Variants in EGF observed in about 807,000 individuals in gnomAD.
EGF encodes the protein pro-epidermal growth factor.
A neutral mutation model predicts 143.8 loss-of-function variants in EGF; 95 were observed. The observed-to-expected ratio is 0.66, with a 90% CI of 0.56 to 0.78. The LOEUF is 0.78. Among genes scored for constraint, EGF ranks in the 30% least tolerant of loss-of-function variants. The probability of loss-of-function intolerance (pLI) is 0.00; values close to 1 mark genes in which losing one functional copy is unlikely to be tolerated. For synonymous variants in EGF, 510 were observed against 510.5 expected (o/e 1.00, Z 0.01); for missense variants, 1,320 against 1,470.9 (o/e 0.90, Z 1.68).
intron 21 of EGF, among the ~76,000 whole-genome samples, chr4:110,000,469 A>T (rs901323047): frequency 2.0e-5 from 3 of 152,162 alleles, no homozygotes; most frequent in Non-Finnish European, 4.4e-5. Flanking sequence ...AGCCTGCATA[A>T]CTATAATTTT....
Position 110,003,401 on chromosome 4 carries a change from T to C in EGF, c.3174-1104T>C, listed in dbSNP as rs182472546. 1.4e-4 allele frequency among the ~76,000 whole-genome samples: 22 copies of C among 152,344 alleles called. No individual in the cohort carries two copies. In the East Asian group the frequency reaches 3.9e-3, roughly 27 times the overall value. ...ACGTTGTACCTTTGCAACTTTGGAA[T>C]TGTTTATATTAGCCACTTGTTTCAA... is the stretch of plus-strand genomic sequence containing the variant. On this transcript the variant is annotated intron_variant, in intron 21 of 23. Coordinates refer to ENST00000265171, the MANE Select transcript of EGF (RefSeq NM_001963.6).
intron 1 of EGF, among the ~76,000 whole-genome samples, chr4:109,928,886 A>G (rs1008434292): frequency 6.6e-6 from 1 of 152,126 alleles, no homozygotes; most frequent in East Asian, 1.9e-4. Context: ...GGCCTGAACT[A>G]GTTTTTCAGG....
chr4:109,944,117 C>A lies in EGF; in HGVS notation c.737+48C>A, dbSNP rs1408365984. The A allele has an allele frequency of 2.6e-6, 4 of 1,552,428 alleles. 1 individual carries two copies. In the Admixed American group the frequency reaches 6.9e-5, roughly 27 times the overall value. The stretch of plus-strand genomic sequence containing the variant: ...AATAAAACAATTGTCATTTGAAGTC[C>A]ACAAGATAAATTAATTTTACTTTTG... On this transcript the variant is annotated intron_variant, in intron 4 of 23. Transcript: ENST00000265171.
chr4:110,005,730 T>A (rs1031109555), intron 22 of EGF, among the ~76,000 whole-genome samples: 1 of 152,332 alleles, frequency 6.6e-6, no homozygotes, highest in African/African-American at 2.4e-5. Context: ...AGTTAAGGAC[T>A]GATTCAGTGT....
At position 109,913,356 on chromosome 4, in the gene EGF, T is replaced by C. The variant is rs1279964520; in HGVS notation, c.21T>C (p.Ile7=). MLLTLI[I]LLPVVSKFSF... ...AGATTATGCTGCTCACTCTTATCATTCTGTTGCCAGTAGTTTCAAAATTTA... is the reference window on the plus strand; with the variant it reads ...AGATTATGCTGCTCACTCTTATCATCCTGTTGCCAGTAGTTTCAAAATTTA... Residue 7 remains isoleucine (I), a synonymous_variant, in exon 1 of 24, where the codon ATT becomes ATC. Coordinates refer to ENST00000265171, the MANE Select transcript of EGF (RefSeq NM_001963.6). 6.2e-7 allele frequency: 1 copy of C among 1,613,882 alleles called. No individual in the cohort carries two copies. Among genetic ancestry groups the C allele is most frequent in the East Asian group, 2.2e-5 (1 of 44,900 alleles).
Position 109,960,892 on chromosome 4 carries a change from T to C in EGF, c.1092T>C (p.Asn364=). ...ATGTTAATGAATGTGCTTTTTGGAA[T>C]CATGGCTGTACTCTTGGGTGTAAAA... ...CEDVNECAFW[N]HGCTLGCKNT... is the part of the protein sequence containing the mutation. The change falls in exon 7 of 24, where the codon AAT becomes AAC. Residue 364 remains asparagine (N), a synonymous_variant. Coordinates refer to ENST00000265171, the MANE Select transcript of EGF (RefSeq NM_001963.6). 1 of 1,614,010 alleles carries C rather than the reference T, an allele frequency of 6.2e-7. No individual in the cohort carries two copies. The highest frequency in any genetic ancestry group is 8.5e-7 in the Non-Finnish European group (1 of 1,179,906).
At chr4:109,930,336 C>A (rs965498285) in intron 1 of EGF, among the ~76,000 whole-genome samples, 2 of 152,126 alleles carry the variant, frequency 1.3e-5, no homozygotes, top group Non-Finnish European at 2.9e-5. Context: ...TTTAAGTCAG[C>A]ACCTGGGGAG....
intron 4 of EGF, among the ~76,000 whole-genome samples, chr4:109,944,296 G>A (rs1481869256): frequency 2.0e-5 from 3 of 152,002 alleles, no homozygotes; most frequent in African/African-American, 4.8e-5. Flanking sequence ...AAAATTAGCC[G>A]GGCGTGGTGG....
intron 10 of EGF, among the ~76,000 whole-genome samples, chr4:109,967,785 C>A (rs1254206620): frequency 1.3e-5 from 2 of 152,140 alleles, no homozygotes; most frequent in African/African-American, 4.8e-5. Context: ...TAGCTTCTTG[C>A]TCCTAGGCTA....
At chr4:109,983,598 A>G in intron 16 of EGF, 57 bp downstream of exon 16, 1 of 1,609,768 alleles carries the variant, frequency 6.2e-7, no homozygotes, top group Non-Finnish European at 8.5e-7. Flanking sequence ...CATCCTACCA[A>G]TGAGAAATTT....
At position 109,999,827 on chromosome 4, in the gene EGF, T is replaced by C. The variant is rs1349210514; in HGVS notation, c.3154T>C (p.Trp1052Arg). ...VLVMLLLLSL[W>R]GAHYYRTQKL... ...TGTCATGCTGCTCCTCCTGAGCCTG[T>C]GGGGGGCCCACTACTACAGGTGACC... The change falls in exon 21 of 24, where the codon TGG becomes CGG. Residue 1052 changes from tryptophan to arginine, a missense_variant. Physicochemically the swap from Trp to Arg is moderately radical, Grantham distance 101 (BLOSUM62 -3). Transcript: ENST00000265171. 2 of 1,613,400 alleles carry C rather than the reference T, an allele frequency of 1.2e-6. No homozygotes were observed. The highest frequency in any genetic ancestry group is 2.7e-5 in the African/African-American group (2 of 74,922).
chr4:109,916,205 C>T (rs1357083166), intron 1 of EGF, among the ~76,000 whole-genome samples: 1 of 152,124 alleles, frequency 6.6e-6, no homozygotes, highest in East Asian at 1.9e-4. Context: ...TCAGTACCGG[C>T]TAAGGCGTGG....
At chr4:109,946,506 G>A (rs1742889135) in intron 5 of EGF, among the ~76,000 whole-genome samples, 1 of 152,068 alleles carries the variant, frequency 6.6e-6, no homozygotes, top group African/African-American at 2.4e-5. Context: ...GCTCAGATAG[G>A]TCTTCTGTGA....
chr4:109,969,445 GC>G (rs1373595409), intron 11 of EGF, among the ~76,000 whole-genome samples: 1 of 152,140 alleles, frequency 6.6e-6, no homozygotes, highest in African/African-American at 2.4e-5. Context: ...ACACACTGGG[GC>G]CTTTTGGAGG....
Position 109,975,462 on chromosome 4 carries a change from A to T in EGF, c.1830-550A>T, listed in dbSNP as rs367712507. 7.2e-5 allele frequency among the ~76,000 whole-genome samples: 11 copies of T among 152,362 alleles called. No homozygotes were observed. The East Asian group carries it at 1.3e-3, about 19-fold the overall frequency. On this transcript the variant is annotated intron_variant, in intron 12 of 23. Coordinates refer to ENST00000265171, the MANE Select transcript of EGF (RefSeq NM_001963.6). ...GAACGTAACCATTTCTAAATAGGCC[A>T]ATAAAAATTATGAACCATATTGACT...
chr4:109,930,710 C>T (rs1739539450), intron 1 of EGF, among the ~76,000 whole-genome samples: 2 of 152,204 alleles, frequency 1.3e-5, no homozygotes, highest in Admixed American at 6.5e-5. Context: ...GTGTGGGGCA[C>T]TCCCTCAGAC....
chr4:109,962,895 C>T (rs1171736779), intron 8 of EGF, among the ~76,000 whole-genome samples: 1 of 151,828 alleles, frequency 6.6e-6, no homozygotes, highest in Admixed American at 6.6e-5. Context: ...GGTGAAACCC[C>T]GTCTCTACTA....
intron 11 of EGF, 146 bp downstream of exon 11, chr4:109,969,265 C>CA (rs1747182467): frequency 9.9e-7 from 1 of 1,010,346 alleles, no homozygotes; most frequent in Non-Finnish European, 1.5e-6. Context: ...CATTGCGGTC[C>CA]ACACTCCCTC....
In EGF at chr4:109,943,317, A is replaced by G. The variant is rs758375964; in HGVS notation, c.391A>G (p.Ile131Val). 3 of 1,611,438 alleles carry G rather than the reference A, an allele frequency of 1.9e-6. No homozygotes were observed. The South Asian group carries it at 3.3e-5, about 18-fold the overall frequency. Residue 131 changes from isoleucine to valine, a missense_variant, in exon 3 of 24, where the codon ATT (isoleucine) becomes GTT (valine). Transcript: ENST00000265171. ...AATAAATTGGATAAATGAAGAAGTT[A>G]TTTGGTCAAATCAACAGGAAGGAAT... ...MAINWINEEV[I>V]WSNQQEGIIT...
Sources: gnomAD v4.1 joint callset for allele counts (sites outside exome capture counted in the v4.1 genomes callset) on GRCh38, gnomAD v4.1.1 for gene constraint, MANE v1.5 for transcripts, NCBI Gene and HGNC (gene_info 2026-07-23, HGNC 2026-07-21) for gene names.